Variants in CAPN3 observed in about 807,000 individuals in gnomAD.
CAPN3 encodes calpain 3, also known as calpain-3.
CAPN3 carries 88 observed loss-of-function variants against 114.0 expected under a neutral mutation model. The ratio of observed to expected loss-of-function variants is 0.77; its 90% CI spans 0.65 to 0.92. The LOEUF (loss-of-function observed/expected upper bound fraction) is 0.92, where lower values mean the gene tolerates loss of function less well. Ranked by LOEUF, CAPN3 falls within the 40% of genes least tolerant of loss-of-function variation. CAPN3 has a pLI of 0.00. For synonymous variants in CAPN3, 386 were observed against 382.9 expected (o/e 1.01, Z -0.09); for missense variants, 1,028 against 1,069.0 (o/e 0.96, Z 0.53).
Position 42,409,858 on chromosome 15 carries a change from AC to A in CAPN3, c.2050+16del, listed in dbSNP as rs760502122. ...TCGTGAACAAACGTGAGTTGCTCAAACCAAATGGGGGTGGGGTGGGTGGGGA... is the reference window on the plus strand; with the variant it reads ...TCGTGAACAAACGTGAGTTGCTCAAACAAATGGGGGTGGGGTGGGTGGGGA... On this transcript the variant is annotated intron_variant, in intron 18 of 23. Coordinates refer to ENST00000397163, the MANE Select transcript of CAPN3 (RefSeq NM_000070.3). The A allele has an allele frequency of 6.5e-6, 5 of 768,884 alleles. No homozygotes were observed. Among genetic ancestry groups the A allele is most frequent in the Admixed American group, 6.4e-5 (3 of 46,806 alleles). 47.6% of individuals were successfully genotyped at this position (768,884 alleles called of 1,614,324 possible).
chr15:42,366,909 C>T (rs1474665825), intron 1 of CAPN3, among the ~76,000 whole-genome samples: 1 of 149,074 alleles, frequency 6.7e-6, no homozygotes, highest in African/African-American at 2.5e-5. Context: ...GCTCAGCTCA[C>T]TGCAACCTCC....
At chr15:42,397,029 G>A (rs2053713640) in intron 9 of CAPN3, 152 bp downstream of exon 9, 1 of 664,344 alleles carries the variant, frequency 1.5e-6, no homozygotes, top group Non-Finnish European at 2.7e-6. Context: ...CAAGGATGAG[G>A]TTCTGAGAGG....
At chr15:42,389,898 GTGTT>G in intron 5 of CAPN3, 51 bp from the exon 6 acceptor site, 1 of 1,593,208 alleles carries the variant, frequency 6.3e-7, no homozygotes, top group Non-Finnish European at 8.6e-7. Flanking sequence ...CCACCCTTCT[GTGTT>G]TGTTCTCTCC....
intron 20 of CAPN3, 34 bp from the exon 21 acceptor site, chr15:42,410,554 G>C: frequency 6.2e-7 from 1 of 1,608,604 alleles, no homozygotes; most frequent in Non-Finnish European, 8.5e-7. Context: ...GAGATTCAGT[G>C]TGTGACCTCC....
At chr15:42,372,348 A>G (rs1340641302) in intron 1 of CAPN3, among the ~76,000 whole-genome samples, 1 of 152,148 alleles carries the variant, frequency 6.6e-6, no homozygotes, top group African/African-American at 2.4e-5. Context: ...TAGTAAAGAC[A>G]GAATTTCACC....
intron 8 of CAPN3, among the ~76,000 whole-genome samples, chr15:42,395,965 A>G (rs1036970334): frequency 6.6e-6 from 1 of 152,192 alleles, no homozygotes; most frequent in Non-Finnish European, 1.5e-5. Context: ...TAGAAGCACA[A>G]TGCTTGATTA....
intron 12 of CAPN3, 107 bp downstream of exon 12, chr15:42,402,242 T>G: frequency 6.2e-7 from 1 of 1,603,906 alleles, no homozygotes; most frequent in Non-Finnish European, 8.5e-7. Flanking sequence ...TGGGCAGGAC[T>G]GTGATAGGAG....
chr15:42,404,721 G>C, intron 14 of CAPN3: 2 of 1,160,592 alleles, frequency 1.7e-6, no homozygotes, highest in Non-Finnish European at 2.2e-6. Flanking sequence ...GGATGACGTA[G>C]GCCAATGGGA....
At chr15:42,389,891 C>A in intron 5 of CAPN3, 62 bp from the exon 6 acceptor site, 1 of 1,569,934 alleles carries the variant, frequency 6.4e-7, no homozygotes, top group East Asian at 2.2e-5. Flanking sequence ...TCCCTTTCCA[C>A]CCTTCTGTGT....
intron 1 of CAPN3, among the ~76,000 whole-genome samples, chr15:42,380,633 G>A (rs1472384847): frequency 1.4e-5 from 2 of 141,848 alleles, no homozygotes; most frequent in Non-Finnish European, 1.5e-5. Flanking sequence ...ATATGTGTGT[G>A]TATATATATA....
chr15:42,401,656 A>C lies in CAPN3; in HGVS notation c.1370A>C (p.Asn457Thr). 2 of 1,614,134 alleles carry C rather than the reference A, an allele frequency of 1.2e-6. No homozygotes were observed. The highest frequency in any genetic ancestry group is 1.7e-6 in the Non-Finnish European group (2 of 1,180,020). The change falls in exon 11 of 24, where the codon AAC (asparagine) becomes ACC (threonine). Residue 457 changes from asparagine to threonine, a missense_variant. Coordinates refer to ENST00000397163, the MANE Select transcript of CAPN3 (RefSeq NM_000070.3). ...GGGGGTGCAGATACTTTCTGGACCA[A>C]CCCTCAGTACCGTCTGAAGCTCCTG... ...CRNFPDTFWT[N>T]PQYRLKLLEE...
intron 1 of CAPN3, 53 bp downstream of exon 1, chr15:42,360,167 T>C (rs2141103188): frequency 6.2e-7 from 1 of 1,606,300 alleles, no homozygotes; most frequent in South Asian, 1.1e-5. Flanking sequence ...AGGAGTCCTC[T>C]CACTCAGCAC....
chr15:42,395,636 C>T (rs1395866512), intron 8 of CAPN3, among the ~76,000 whole-genome samples: 6 of 152,296 alleles, frequency 3.9e-5, no homozygotes, highest in East Asian at 1.9e-4. Flanking sequence ...CCTGCAGGGA[C>T]GCTTGCTGTG....
chr15:42,365,646 C>T lies in CAPN3; in HGVS notation c.309+5532C>T, dbSNP rs138319977. ...CCACCTCTCTGTCATTACAGGGCCC[C>T]ACCCGTTCCCAGCTCAGAGCTGGGT... On this transcript the variant is annotated intron_variant, in intron 1 of 23. Coordinates refer to ENST00000397163, the MANE Select transcript of CAPN3 (RefSeq NM_000070.3). Among the ~76,000 whole-genome samples the T allele has an allele frequency of 8.1e-3, 1,228 of 152,270 alleles. 9 individuals carry two copies. The highest frequency in any genetic ancestry group is 0.037 in the Middle Eastern group (11 of 294).
At chr15:42,362,977 T>C (rs75903354) in intron 1 of CAPN3, among the ~76,000 whole-genome samples, 623 of 152,336 alleles carry the variant, frequency 4.1e-3, no homozygotes, top group African/African-American at 0.015. Context: ...TCTGAATTTT[T>C]TTTCGACCAT....
At position 42,386,253 on chromosome 15, in the gene CAPN3, A is replaced by G. The variant is rs780611743; in HGVS notation, c.466A>G (p.Ile156Val). Residue 156 changes from isoleucine (I) to valine (V), a missense_variant, in exon 3 of 24, where the codon ATC (isoleucine) becomes GTC (valine). Ile to Val is a conservative substitution (Grantham distance 29). Coordinates refer to ENST00000397163, the MANE Select transcript of CAPN3 (RefSeq NM_000070.3). The stretch of plus-strand genomic sequence containing the variant: ...AGTCATACCCCATGATCAAAGTTTC[A>G]TCGAAAACTACGCAGGGATCTTCCA... ...FRVIPHDQSF[I>V]ENYAGIFHFQ... 8 of 1,613,820 alleles carry G rather than the reference A, an allele frequency of 5.0e-6. No individual in the cohort carries two copies. The Admixed American group carries it at 5.0e-5, about 10-fold the overall frequency.
rs1026071722 is a variant in CAPN3 at position 42,386,059 on chromosome 15, C to T, written c.380-108C>T. 7 of 812,820 alleles carry T rather than the reference C, an allele frequency of 8.6e-6. No homozygotes were observed. The African/African-American group carries it at 1.2e-4, about 14-fold the overall frequency. 50.4% of individuals were successfully genotyped at this position (812,820 alleles called of 1,614,324 possible). ...AGATCTGGAAGTAGGAGAGTGGGCA[C>T]CAAGGGAGTCCCCGTTCAGGGAAGT... On this transcript the variant is annotated intron_variant, in intron 2 of 23. Transcript: ENST00000397163.
chr15:42,398,630 C>T (rs1810527626), intron 9 of CAPN3, among the ~76,000 whole-genome samples: 1 of 127,866 alleles, frequency 7.8e-6, no homozygotes, highest in Non-Finnish European at 1.6e-5. Flanking sequence ...CACACACACA[C>T]ACACATATAT....
chr15:42,394,953 T>G (rs574226939), intron 8 of CAPN3, among the ~76,000 whole-genome samples: 1 of 152,296 alleles, frequency 6.6e-6, no homozygotes, highest in African/African-American at 2.4e-5. Flanking sequence ...TTACCTCCAC[T>G]GAATGAGAGG....
Sources: allele counts gnomAD v4.1 joint callset (sites outside exome capture counted in the v4.1 genomes callset), GRCh38; gene constraint gnomAD v4.1.1; transcripts MANE v1.5; gene names NCBI Gene and HGNC (gene_info 2026-07-23, HGNC 2026-07-21).